NRXN1: variants seen among roughly 807,000 people sequenced by gnomAD.
NRXN1 encodes the protein neurexin-1.
NRXN1 carries 39 observed loss-of-function variants against 150.9 expected under a neutral mutation model. That is an observed-to-expected ratio of 0.26 (90% confidence interval 0.20 to 0.34). The LOEUF (loss-of-function observed/expected upper bound fraction) is 0.34. Among genes scored for constraint, NRXN1 ranks in the 10% least tolerant of loss-of-function variants. NRXN1 has a pLI of 1.00. For synonymous variants in NRXN1, 924 were observed against 757.0 expected, an observed-to-expected ratio of 1.22 and a Z score of -3.62; for missense variants, 1,815 against 1,949.9, an observed-to-expected ratio of 0.93 and a Z score of 1.30.
At chr2:50,945,130 A>G (rs186705393) in intron 2 of NRXN1, among the ~76,000 whole-genome samples, 1 of 152,310 alleles carries the variant, frequency 6.6e-6, no homozygotes, top group East Asian at 1.9e-4. Context: ...CCTCTATTGC[A>G]GCTACTCAAC....
intron 5 of NRXN1, among the ~76,000 whole-genome samples, chr2:50,765,053 TG>T (rs1702231760): frequency 6.6e-6 from 1 of 152,000 alleles, no homozygotes. Context: ...GGTTGAGATT[TG>T]TAAGGAAAAC....
chr2:50,505,495 A>C (rs764184667), intron 13 of NRXN1, among the ~76,000 whole-genome samples: 3 of 152,158 alleles, frequency 2.0e-5, no homozygotes, highest in Non-Finnish European at 4.4e-5. Context: ...GTTCATTTCC[A>C]TGCCTTTTGA....
chr2:50,696,851 G>C (rs1022602343), intron 5 of NRXN1, among the ~76,000 whole-genome samples: 9 of 152,146 alleles, frequency 5.9e-5, no homozygotes, highest in African/African-American at 2.2e-4. Flanking sequence ...TATATTCCTA[G>C]ACCATGTAAT....
In NRXN1 at chr2:50,059,007, A is replaced by AGTAC. The variant is rs1222379852; in HGVS notation, c.3719-3967_3719-3964dup. ...TAGTAAATTAGTACTGGTAAAGTGG[A>AGTAC]GTACTGTTATTAAGATACCTGAAAA... On this transcript the variant is annotated intron_variant, in intron 19 of 22. Coordinates refer to ENST00000401669, the MANE Select transcript of NRXN1 (RefSeq NM_001330078.2). 7.2e-5 allele frequency among the ~76,000 whole-genome samples: 11 copies of AGTAC among 152,290 alleles called. 1 individual carries two copies. In the South Asian group the frequency reaches 1.9e-3, roughly 26 times the overall value.
chr2:50,925,838 A>G, intron 3 of NRXN1, 100 bp downstream of exon 3: 1 of 887,654 alleles, frequency 1.1e-6, no homozygotes, highest in Admixed American at 2.1e-5. Context: ...AAATGTTCAG[A>G]AAGAAGTTCA....
chr2:50,707,723 G>T (rs1239163843), intron 5 of NRXN1, among the ~76,000 whole-genome samples: 3 of 152,064 alleles, frequency 2.0e-5, no homozygotes, highest in Non-Finnish European at 2.9e-5. Flanking sequence ...GAAGAAGCCA[G>T]CAGCAACAAA....
chr2:50,239,683 T>TATATATAC (rs2065819105), intron 17 of NRXN1, among the ~76,000 whole-genome samples: 1 of 88,822 alleles, frequency 1.1e-5, no homozygotes, highest in African/African-American at 5.6e-5. Context: ...TATATATATA[T>TATATATAC]ATATATATAT....
intron 5 of NRXN1, among the ~76,000 whole-genome samples, chr2:50,820,726 A>T (rs1669602853): frequency 6.6e-6 from 1 of 152,120 alleles, no homozygotes; most frequent in South Asian, 2.1e-4. Context: ...AGTTGTAAAC[A>T]AGGAGGAGCC....
chr2:50,214,572 A>T (rs1235142657), intron 18 of NRXN1, among the ~76,000 whole-genome samples: 2 of 151,986 alleles, frequency 1.3e-5, no homozygotes, highest in Admixed American at 6.6e-5. Flanking sequence ...TCTACTGCCT[A>T]GTTATAAAAC....
At chr2:50,753,406 T>C (rs1176295557) in intron 5 of NRXN1, among the ~76,000 whole-genome samples, 1 of 151,850 alleles carries the variant, frequency 6.6e-6, no homozygotes, top group African/African-American at 2.4e-5. Flanking sequence ...TGAGATGCTG[T>C]ACTGCCTCTC....
At chr2:51,007,275 CA>C (rs889821309) in intron 2 of NRXN1, among the ~76,000 whole-genome samples, 2 of 151,280 alleles carry the variant, frequency 1.3e-5, no homozygotes, top group African/African-American at 4.9e-5. Flanking sequence ...AAAGGGTATT[CA>C]AAAAAAATTA....
chr2:50,334,192 AATAT>A (rs1553457969), intron 17 of NRXN1, among the ~76,000 whole-genome samples: 1 of 118,958 alleles, frequency 8.4e-6, no homozygotes. Flanking sequence ...ACCAGGACCA[AATAT>A]ATATATATAT....
intron 17 of NRXN1, chr2:50,464,028 T>C (rs1408738849): frequency 2.0e-5 from 3 of 151,618 alleles, no homozygotes; most frequent in African/African-American, 7.3e-5. Context: ...TATACACACA[T>C]ATACATATCC....
intron 18 of NRXN1, among the ~76,000 whole-genome samples, chr2:50,224,371 T>C (rs1012380225): frequency 6.6e-6 from 1 of 151,984 alleles, no homozygotes; most frequent in African/African-American, 2.4e-5. Flanking sequence ...CAATGAATTA[T>C]TGTGAATATT....
At position 51,028,283 on chromosome 2, in the gene NRXN1, T is replaced by C; in HGVS notation, c.-10A>G. On this transcript the variant is annotated 5_prime_UTR_variant, in exon 2 of 23. Coordinates refer to ENST00000401669, the MANE Select transcript of NRXN1 (RefSeq NM_001330078.2). The stretch of plus-strand genomic sequence containing the variant: ...GCAGCGCCGTCCCCATGCTCGGGGC[T>C]GGGGTGCGGCGGGGGGGTGCCGGGG... The C allele has an allele frequency of 2.1e-6, 3 of 1,431,590 alleles. No homozygotes were observed. The highest frequency in any genetic ancestry group is 2.1e-4 in the Middle Eastern group (1 of 4,680). 88.7% of individuals were successfully genotyped at this position (1,431,590 alleles called of 1,614,324 possible).
At chr2:50,986,328 T>C (rs1032263210) in intron 2 of NRXN1, among the ~76,000 whole-genome samples, 1 of 151,724 alleles carries the variant, frequency 6.6e-6, no homozygotes, top group African/African-American at 2.4e-5. Flanking sequence ...ATAAAAAATA[T>C]TCGTAGATGA....
At chr2:50,168,150 G>C (rs1166775348) in intron 18 of NRXN1, among the ~76,000 whole-genome samples, 1 of 152,094 alleles carries the variant, frequency 6.6e-6, no homozygotes, top group East Asian at 1.9e-4. Context: ...AAACAGTCTG[G>C]TGATGGCAGG....
intron 2 of NRXN1, among the ~76,000 whole-genome samples, chr2:50,998,692 A>T (rs974701870): frequency 5.3e-5 from 8 of 152,072 alleles, no homozygotes; most frequent in Non-Finnish European, 1.5e-5. Flanking sequence ...AATCTACAGT[A>T]AAATGGTATT....
chr2:50,437,938 A>G (rs562861583), intron 17 of NRXN1, among the ~76,000 whole-genome samples: 42 of 152,260 alleles, frequency 2.8e-4, no homozygotes, highest in Admixed American at 1.6e-3. Context: ...CAGCAGAAAA[A>G]TCTTCCTGGG....
Sources: allele counts gnomAD v4.1 joint callset (sites outside exome capture counted in the v4.1 genomes callset), GRCh38; gene constraint gnomAD v4.1.1; transcripts MANE v1.5; gene names NCBI Gene and HGNC (gene_info 2026-07-23, HGNC 2026-07-21).